The following TMEM131L variants were observed in gnomAD, a reference collection of about 807,000 sequenced individuals.
TMEM131L encodes transmembrane 131 like, also known as transmembrane protein 131-like.
In TMEM131L, 54 loss-of-function variants were observed where a neutral mutation model predicts 192.2. The observed-to-expected ratio is 0.28, with a 90% CI of 0.23 to 0.35. TMEM131L has a LOEUF of 0.35. Ranked by LOEUF, TMEM131L falls within the 10% of genes least tolerant of loss-of-function variation. The probability of loss-of-function intolerance (pLI) is 1.00; values close to 1 mark genes in which losing one functional copy is unlikely to be tolerated. For missense variants in TMEM131L, 1,888 were observed against 1,972.9 expected, an observed-to-expected ratio of 0.96 and a Z score of 0.82; for synonymous variants, 701 against 704.9, an observed-to-expected ratio of 0.99 and a Z score of 0.09.
At chr4:153,577,430 T>G (rs945209348) in intron 7 of TMEM131L, among the ~76,000 whole-genome samples, 1 of 152,118 alleles carries the variant, frequency 6.6e-6, no homozygotes, top group Non-Finnish European at 1.5e-5. Flanking sequence ...CCATCATTTT[T>G]TTGTGTAGTT....
intron 3 of TMEM131L, among the ~76,000 whole-genome samples, chr4:153,517,737 G>A (rs937480889): frequency 6.6e-6 from 1 of 152,212 alleles, no homozygotes; most frequent in African/African-American, 2.4e-5. Flanking sequence ...GATTAATCTT[G>A]TGTGCAGTGT....
chr4:153,553,138 G>T (rs775398589), intron 4 of TMEM131L, among the ~76,000 whole-genome samples: 1 of 152,068 alleles, frequency 6.6e-6, no homozygotes, highest in Non-Finnish European at 1.5e-5. Context: ...ATCACCTTTG[G>T]AGGACTTAGT....
Position 153,602,673 on chromosome 4 carries a change from T to C in TMEM131L, c.2585T>C (p.Val862Ala). The change falls in exon 23 of 35, where the codon GTT becomes GCT. Residue 862 changes from valine to alanine, a missense_variant. Transcript: ENST00000409959. ...CTGTTGCCCTTGTGTGCAGACGTGG[T>C]TCCAGGACCCAGCTGGGAGGAGTCA... ...HHLLPLCADV[V>A]PGPSWEESFW... The C allele has an allele frequency of 6.2e-7, 1 of 1,613,860 alleles. No homozygotes were observed. The highest frequency in any genetic ancestry group is 8.5e-7 in the Non-Finnish European group (1 of 1,179,830).
chr4:153,608,180 C>T (rs1427572184), intron 25 of TMEM131L, among the ~76,000 whole-genome samples: 1 of 152,128 alleles, frequency 6.6e-6, no homozygotes, highest in Non-Finnish European at 1.5e-5. Context: ...ACTCCATTTC[C>T]CCTGCCTGCT....
Position 153,626,188 on chromosome 4 carries a change from A to G in TMEM131L, c.4087A>G (p.Ile1363Val). Residue 1363 changes from isoleucine to valine, a missense_variant, in exon 30 of 35, where the codon ATC becomes GTC. Coordinates refer to ENST00000409959, the MANE Select transcript of TMEM131L (RefSeq NM_001131007.2). ...AAATGATTTTCCTTCTGAAGCTCCC[A>G]TCTCCTTGAATCTTTCTCATAACAT... ...SQNDFPSEAPISLNLSHNICN... is the reference protein window; with the variant it reads ...SQNDFPSEAPVSLNLSHNICN... The G allele has an allele frequency of 1.2e-6, 2 of 1,612,232 alleles. No homozygotes were observed. The highest frequency in any genetic ancestry group is 2.7e-5 in the African/African-American group (2 of 75,012).
At chr4:153,580,972 G>A in intron 8 of TMEM131L, 69 bp downstream of exon 8, 2 of 1,148,460 alleles carry the variant, frequency 1.7e-6, no homozygotes, top group East Asian at 2.4e-5. Flanking sequence ...TAAAACACAA[G>A]GCTGGGCGCT....
chr4:153,526,051 G>T (rs868375586), intron 3 of TMEM131L, among the ~76,000 whole-genome samples: 1 of 151,730 alleles, frequency 6.6e-6, no homozygotes, highest in Non-Finnish European at 1.5e-5. Flanking sequence ...TAGAGATGGG[G>T]TTTCACCATG....
At chr4:153,599,272 G>A (rs947862524) in intron 21 of TMEM131L, among the ~76,000 whole-genome samples, 15 of 152,202 alleles carry the variant, frequency 9.9e-5, no homozygotes, top group African/African-American at 3.6e-4. Context: ...CACAGTGACA[G>A]CATTGCGGGA....
intron 3 of TMEM131L, among the ~76,000 whole-genome samples, chr4:153,480,668 G>A (rs1167392097): frequency 4.6e-5 from 7 of 151,906 alleles, no homozygotes; most frequent in Non-Finnish European, 8.8e-5. Flanking sequence ...AGCCTGTTCT[G>A]TTGGCTTTAA....
At chr4:153,549,744 C>T (rs545633313) in intron 3 of TMEM131L, among the ~76,000 whole-genome samples, 1 of 152,150 alleles carries the variant, frequency 6.6e-6, no homozygotes. Flanking sequence ...TATATCATTT[C>T]CTGATTTAGG....
intron 3 of TMEM131L, among the ~76,000 whole-genome samples, chr4:153,480,183 T>C (rs2149789983): frequency 6.6e-6 from 1 of 151,904 alleles, no homozygotes. Context: ...ACTAAAAATA[T>C]AAAAAATTAG....
At chr4:153,633,107 GA>G in intron 32 of TMEM131L, 1 of 306,336 alleles carries the variant, frequency 3.3e-6, no homozygotes, top group South Asian at 5.5e-5. Context: ...TCATATATTA[GA>G]GGCAGATTTG....
At chr4:153,633,439 G>T (rs1734361490) in intron 32 of TMEM131L, 1 of 148,844 alleles carries the variant, frequency 6.7e-6, no homozygotes, top group African/African-American at 2.5e-5. Flanking sequence ...TTGTTGCCTA[G>T]GCTGCTCTTG....
At chr4:153,618,943 AG>A (rs2126698009) in intron 26 of TMEM131L, among the ~76,000 whole-genome samples, 1 of 152,214 alleles carries the variant, frequency 6.6e-6, no homozygotes, top group African/African-American at 2.4e-5. Flanking sequence ...GTGCTTCAGA[AG>A]GTGCTCCCTG....
chr4:153,527,688 A>T (rs1735597754), intron 3 of TMEM131L, among the ~76,000 whole-genome samples: 1 of 152,148 alleles, frequency 6.6e-6, no homozygotes, highest in African/African-American at 2.4e-5. Context: ...TAGTTTTATA[A>T]CTTGTTGCCA....
At position 153,466,411 on chromosome 4, in the gene TMEM131L, G is replaced by C; in HGVS notation, c.14G>C (p.Arg5Pro). 1.5e-6 allele frequency: 2 copies of C among 1,349,990 alleles called. No homozygotes were observed. Among genetic ancestry groups the C allele is most frequent in the Non-Finnish European group, 1.9e-6 (2 of 1,045,198 alleles). The allele number at this position is 1,349,990 out of a possible 1,614,324, so 83.6% of individuals were successfully genotyped here. ...GCGAGCAGCAGCATGGCGGGGCTCC[G>C]ACGCCCGCAGCCCGGCTGCTACTGC... MAGL[R>P]RPQPGCYCRT... The change falls in exon 1 of 35, where the codon CGA becomes CCA. Residue 5 changes from arginine (R) to proline (P), a missense_variant. Coordinates refer to ENST00000409959, the MANE Select transcript of TMEM131L (RefSeq NM_001131007.2).
chr4:153,609,201 T>C (rs1325339457), intron 25 of TMEM131L, among the ~76,000 whole-genome samples: 1 of 152,148 alleles, frequency 6.6e-6, no homozygotes, highest in Admixed American at 6.5e-5. Context: ...AGGCTTCTGC[T>C]TCTGGGGAGA....
At chr4:153,518,239 G>A (rs1247815407) in intron 3 of TMEM131L, among the ~76,000 whole-genome samples, 1 of 152,168 alleles carries the variant, frequency 6.6e-6, no homozygotes, top group Non-Finnish European at 1.5e-5. Flanking sequence ...GTGATTGTAG[G>A]ACTGAACACT....
rs1016605361 is a variant in TMEM131L, at chr4:153,566,284, C to T, written c.660+7916C>T. ...CCGAGTAGCTGGGACCACAGGCGCC[C>T]GCAAGCACGCCCAGATAATTTTTTG... On this transcript the variant is annotated intron_variant, in intron 7 of 34. Transcript: ENST00000409959. 5.9e-5 allele frequency among the ~76,000 whole-genome samples: 9 copies of T among 152,056 alleles called. No individual in the cohort carries two copies. In the East Asian group the frequency reaches 1.2e-3, roughly 20 times the overall value.
Sources: allele counts gnomAD v4.1 joint callset (sites outside exome capture counted in the v4.1 genomes callset), GRCh38; gene constraint gnomAD v4.1.1; transcripts MANE v1.5; gene names NCBI Gene and HGNC (gene_info 2026-07-23, HGNC 2026-07-21).